The following STK32A variants were observed in gnomAD, a reference collection of about 807,000 sequenced individuals.
The protein encoded by STK32A is serine/threonine kinase 32A.
A neutral mutation model predicts 53.2 loss-of-function variants in STK32A; 41 were observed. That is an observed-to-expected ratio of 0.77 (90% confidence interval 0.60 to 1.00). The LOEUF (loss-of-function observed/expected upper bound fraction) is 1.00, where lower values mean the gene tolerates loss of function less well. Among genes scored for constraint, STK32A ranks in the 50% least tolerant of loss-of-function variants. The probability of loss-of-function intolerance (pLI) is 0.00; values close to 1 mark genes in which losing one functional copy is unlikely to be tolerated. For missense variants in STK32A, 458 were observed against 485.8 expected (o/e 0.94, Z 0.54); for synonymous variants, 166 against 162.8 (o/e 1.02, Z -0.15).
At chr5:147,313,892 C>A (rs1027307840) in intron 4 of STK32A, among the ~76,000 whole-genome samples, 1 of 152,022 alleles carries the variant, frequency 6.6e-6, no homozygotes, top group African/African-American at 2.4e-5. Context: ...AAATTGGAAC[C>A]CTACCTCACA....
chr5:147,313,659 C>T (rs1432045802), intron 4 of STK32A, among the ~76,000 whole-genome samples: 2 of 152,190 alleles, frequency 1.3e-5, no homozygotes, highest in South Asian at 2.1e-4. Context: ...TTGGAGGGCT[C>T]ATACTTTTCA....
At chr5:147,330,779 G>T (rs889693501) in intron 5 of STK32A, among the ~76,000 whole-genome samples, 7 of 152,158 alleles carry the variant, frequency 4.6e-5, no homozygotes, top group Non-Finnish European at 7.3e-5. Context: ...CTCCAAGAAG[G>T]CTGCCCACCT....
intron 8 of STK32A, among the ~76,000 whole-genome samples, chr5:147,367,588 G>GGGTGA (rs1465881265): frequency 6.6e-6 from 1 of 152,084 alleles, no homozygotes; most frequent in Non-Finnish European, 1.5e-5. Flanking sequence ...TGGTGGGCAG[G>GGGTGA]GGTGAGGATC....
In STK32A at chr5:147,373,184, C is replaced by T. The variant is rs779229276; in HGVS notation, c.793C>T (p.Pro265Ser). 3 of 1,613,142 alleles carry T rather than the reference C, an allele frequency of 1.9e-6. No homozygotes were observed. Among genetic ancestry groups the T allele is most frequent in the African/African-American group, 2.7e-5 (2 of 74,812 alleles). The change falls in exon 10 of 13, where the codon CCA becomes TCA. Residue 265 changes from proline (P) to serine (S), a missense_variant. Coordinates refer to ENST00000397936, the MANE Select transcript of STK32A (RefSeq NM_001112724.2). ...TTATTGGCAGCTACTCGAACCTAATCCAGACCAACGATTTTCTCAGTTATC... is the reference window on the plus strand; with the variant it reads ...TTATTGGCAGCTACTCGAACCTAATTCAGACCAACGATTTTCTCAGTTATC... ...SLLKKLLEPN[P>S]DQRFSQLSDV...
intron 5 of STK32A, among the ~76,000 whole-genome samples, chr5:147,329,835 G>T (rs570115763): frequency 9.8e-5 from 15 of 152,344 alleles, no homozygotes; most frequent in Non-Finnish European, 1.6e-4. Context: ...ATCTAAACTA[G>T]AGTGCTTGCT....
intron 2 of STK32A, among the ~76,000 whole-genome samples, chr5:147,269,032 A>C (rs1192966382): frequency 6.6e-6 from 1 of 152,140 alleles, no homozygotes; most frequent in Non-Finnish European, 1.5e-5. Context: ...AGTCCACTTG[A>C]GTGGGACTCT....
At chr5:147,376,775 C>G (rs1401503520) in intron 11 of STK32A, among the ~76,000 whole-genome samples, 1 of 152,174 alleles carries the variant, frequency 6.6e-6, no homozygotes, top group African/African-American at 2.4e-5. Context: ...GGGGCTTCCT[C>G]TCATTCTTTA....
At chr5:147,399,700 G>T in the STK32A span, among the ~76,000 whole-genome samples, 1 of 152,136 alleles carries the variant, frequency 6.6e-6, no homozygotes, top group Admixed American at 6.5e-5. Flanking sequence ...GTGGAATTGA[G>T]ATATTTTTGT....
At chr5:147,360,475 A>AAAAAAG (rs1756454895) in intron 7 of STK32A, among the ~76,000 whole-genome samples, 2 of 143,320 alleles carry the variant, frequency 1.4e-5, no homozygotes, top group African/African-American at 5.5e-5. Context: ...AAAGAAAAAA[A>AAAAAAG]AAAGAAAGAA....
At chr5:147,397,385 T>G in the STK32A span, among the ~76,000 whole-genome samples, 974 of 152,326 alleles carry the variant, frequency 6.4e-3, 10 homozygotes, top group African/African-American at 0.022. Context: ...AAAAATACAC[T>G]GGCCTTATTT....
chr5:147,254,759 T>C (rs1754150642), intron 2 of STK32A, among the ~76,000 whole-genome samples: 1 of 152,118 alleles, frequency 6.6e-6, no homozygotes, highest in Admixed American at 6.6e-5. Flanking sequence ...TAGCAGGTAA[T>C]CGGACTGAGT....
At position 147,302,906 on chromosome 5, in the gene STK32A, C is replaced by T. The variant is rs62377727; in HGVS notation, c.261-20992C>T. ...AATTCCTAAATTTCCTAAGCATAAA[C>T]ACTCTTTGTTTCTTTTCAGTATATA... On this transcript the variant is annotated intron_variant, in intron 4 of 12. Transcript: ENST00000397936. Among the ~76,000 whole-genome samples, 1,158 of 152,094 alleles carry T rather than the reference C, an allele frequency of 7.6e-3. 4 individuals carry two copies. Among genetic ancestry groups the T allele is most frequent in the Non-Finnish European group, 0.012 (836 of 68,018 alleles).
At chr5:147,396,865 GTATATATA>G in the STK32A span, among the ~76,000 whole-genome samples, 4 of 144,632 alleles carry the variant, frequency 2.8e-5, no homozygotes, top group African/African-American at 7.5e-5. Flanking sequence ...GTATATGTGT[GTATATATA>G]TATATATATA....
chr5:147,270,932 A>G (rs1755000807), intron 2 of STK32A, among the ~76,000 whole-genome samples: 1 of 152,196 alleles, frequency 6.6e-6, no homozygotes, highest in Non-Finnish European at 1.5e-5. Flanking sequence ...TACTTTTATC[A>G]ACTTTGCTTG....
chr5:147,287,419 T>G (rs1034256007), intron 4 of STK32A, among the ~76,000 whole-genome samples: 2 of 152,052 alleles, frequency 1.3e-5, no homozygotes, highest in Non-Finnish European at 1.5e-5. Flanking sequence ...AATGGAAAAA[T>G]AATTGAGGTT....
chr5:147,248,366 T>A (rs1753843249), intron 2 of STK32A, among the ~76,000 whole-genome samples: 1 of 152,320 alleles, frequency 6.6e-6, no homozygotes, highest in South Asian at 2.1e-4. Context: ...TGTCATTCAG[T>A]TGATCTGTGT....
chr5:147,355,788 G>GTATATATATATATATATA lies in STK32A; in HGVS notation c.562+4635_562+4636insATATATATATATATATAT, dbSNP rs1354487817. Among the ~76,000 whole-genome samples, 236 of 137,468 alleles carry GTATATATATATATATATA rather than the reference G, an allele frequency of 1.7e-3. 2 individuals are homozygous for GTATATATATATATATATA. The highest frequency in any genetic ancestry group is 6.2e-3 in the African/African-American group (231 of 37,360). The allele number at this position is 137,468 out of a possible 152,430, so 90.2% of individuals were successfully genotyped here. A position where few individuals can be genotyped will look rare whatever the true frequency, so the allele number is the denominator to read the frequency against. Reference sequence around the variant, plus strand: ...TGTATATGTATGTGTGTGAGTGTGTGTGTGTATATATATATATATATATAA... The same window carrying GTATATATATATATATATA: ...TGTATATGTATGTGTGTGAGTGTGTGTATATATATATATATATATGTGTATATATATATATATATATAA... On this transcript the variant is annotated intron_variant, in intron 7 of 12. Coordinates refer to ENST00000397936, the MANE Select transcript of STK32A (RefSeq NM_001112724.2).
At chr5:147,307,973 A>G (rs949376690) in intron 4 of STK32A, among the ~76,000 whole-genome samples, 1 of 152,080 alleles carries the variant, frequency 6.6e-6, no homozygotes, top group African/African-American at 2.4e-5. Flanking sequence ...TCTTTGGATT[A>G]TGTTGGCTAC....
chr5:147,261,587 G>C (rs543556570), intron 2 of STK32A, among the ~76,000 whole-genome samples: 1 of 152,132 alleles, frequency 6.6e-6, no homozygotes, highest in Non-Finnish European at 1.5e-5. Flanking sequence ...GCTTTACGAG[G>C]AAGTTAAATT....
Sources: allele counts gnomAD v4.1 joint callset (sites outside exome capture counted in the v4.1 genomes callset), GRCh38; gene constraint gnomAD v4.1.1; transcripts MANE v1.5; gene names NCBI Gene and HGNC (gene_info 2026-07-23, HGNC 2026-07-21).